Variants in GALNTL6 observed in about 807,000 individuals in gnomAD.
The protein encoded by GALNTL6 is polypeptide N-acetylgalactosaminyltransferase like 6.
In GALNTL6, 46 loss-of-function variants were observed where a neutral mutation model predicts 73.7. The ratio of observed to expected loss-of-function variants is 0.62; its 90% CI spans 0.49 to 0.80. The LOEUF (loss-of-function observed/expected upper bound fraction) is 0.80, where lower values mean the gene tolerates loss of function less well. Among genes scored for constraint, GALNTL6 ranks in the 30% least tolerant of loss-of-function variants. The pLI is 0.00. For missense variants in GALNTL6, 604 were observed against 755.0 expected (o/e 0.80, Z 2.34); for synonymous variants, 259 against 263.7 (o/e 0.98, Z 0.17).
At chr4:172,006,491 G>A (rs1740846980) in intron 2 of GALNTL6, among the ~76,000 whole-genome samples, 1 of 152,008 alleles carries the variant, frequency 6.6e-6, no homozygotes, top group South Asian at 2.1e-4. Context: ...AGCCAAGGTG[G>A]TGGTGCACAC....
chr4:172,697,693 G>A (rs1450762680), intron 5 of GALNTL6, among the ~76,000 whole-genome samples: 2 of 152,100 alleles, frequency 1.3e-5, no homozygotes, highest in Admixed American at 6.6e-5. Context: ...AATGGAATAC[G>A]ATGCTTGCAA....
chr4:172,668,235 T>G (rs1731780305), intron 5 of GALNTL6: 1 of 152,200 alleles, frequency 6.6e-6, no homozygotes, highest in Non-Finnish European at 1.5e-5. Context: ...ATTGAATGAA[T>G]TCTATTTTTA....
At chr4:171,883,300 C>G (rs866168300) in intron 2 of GALNTL6, among the ~76,000 whole-genome samples, 1 of 151,910 alleles carries the variant, frequency 6.6e-6, no homozygotes, top group Non-Finnish European at 1.5e-5. Context: ...TGCAGTGAGC[C>G]GAGATCCTGC....
At chr4:172,719,830 C>T (rs1290025382) in intron 5 of GALNTL6, among the ~76,000 whole-genome samples, 3 of 152,060 alleles carry the variant, frequency 2.0e-5, no homozygotes, top group South Asian at 2.1e-4. Context: ...AGAGCAGCCC[C>T]GAGGGCTGCT....
At position 172,583,893 on chromosome 4, in the gene GALNTL6, CAAAAAAA is replaced by C. The variant is rs57722016; in HGVS notation, c.554-225447_554-225441del. Among the ~76,000 whole-genome samples the C allele has an allele frequency of 3.5e-3, 110 of 31,610 alleles. 1 individual carries two copies. The East Asian group carries it at 0.065, about 19-fold the overall frequency. The allele number at this position is 31,610 out of a possible 152,430, so 20.7% of individuals were successfully genotyped here. On this transcript the variant is annotated intron_variant, in intron 5 of 12. Transcript: ENST00000506823. The stretch of plus-strand genomic sequence containing the variant: ...GGGCCGACAGAGCGAGACTCTGTCT[CAAAAAAA>C]AAAAAAAAAAAAAAAAAAAATCAGA...
At chr4:171,874,975 A>C (rs1357662687) in intron 2 of GALNTL6, among the ~76,000 whole-genome samples, 2 of 152,212 alleles carry the variant, frequency 1.3e-5, no homozygotes, top group African/African-American at 4.8e-5. Flanking sequence ...GTTTAGCTGT[A>C]TTATAGGCAA....
At chr4:172,487,295 C>CTTCTTTCCTTCT (rs1554029530) in intron 5 of GALNTL6, among the ~76,000 whole-genome samples, 1,446 of 81,538 alleles carry the variant, frequency 0.018, 58 homozygotes, top group South Asian at 0.034. Context: ...TCCTTCTTTC[C>CTTCTTTCCTTCT]TTCTGTCTTT....
intron 2 of GALNTL6, among the ~76,000 whole-genome samples, chr4:171,883,686 C>T (rs1322399806): frequency 6.6e-6 from 1 of 150,438 alleles, no homozygotes; most frequent in East Asian, 2.0e-4. Context: ...CTCGCTCTGT[C>T]GCCCAGGCTG....
At chr4:172,519,621 T>C (rs777551824) in intron 5 of GALNTL6, among the ~76,000 whole-genome samples, 1 of 151,822 alleles carries the variant, frequency 6.6e-6, no homozygotes, top group East Asian at 1.9e-4. Context: ...TCTGTCTTGC[T>C]CTACATTTTA....
At chr4:172,296,125 T>C (rs1339400659) in intron 3 of GALNTL6, among the ~76,000 whole-genome samples, 1 of 152,132 alleles carries the variant, frequency 6.6e-6, no homozygotes, top group South Asian at 2.1e-4. Flanking sequence ...GGATACCCTT[T>C]GTCAGATTCA....
chr4:171,924,327 C>CAGGA (rs1390489613), intron 2 of GALNTL6, among the ~76,000 whole-genome samples: 3 of 152,098 alleles, frequency 2.0e-5, no homozygotes, highest in Non-Finnish European at 4.4e-5. Context: ...TGCAGTTTCA[C>CAGGA]AGGAGCATGA....
intron 2 of GALNTL6, among the ~76,000 whole-genome samples, chr4:172,024,742 G>A (rs113686646): frequency 3.1e-4 from 47 of 152,016 alleles, no homozygotes; most frequent in African/African-American, 1.1e-3. Context: ...AATAAATAGA[G>A]TGGAACAACC....
At chr4:171,941,491 A>C (rs1002891873) in intron 2 of GALNTL6, among the ~76,000 whole-genome samples, 1 of 152,208 alleles carries the variant, frequency 6.6e-6, no homozygotes, top group African/African-American at 2.4e-5. Context: ...CTTCTGTAAC[A>C]TTGACAGTAT....
intron 2 of GALNTL6, among the ~76,000 whole-genome samples, chr4:171,951,850 G>A (rs1173296599): frequency 6.6e-6 from 1 of 151,940 alleles, no homozygotes; most frequent in Non-Finnish European, 1.5e-5. Context: ...GAGGGATAAA[G>A]CTATAGCAAT....
In GALNTL6 at chr4:172,930,186, G is replaced by A. The variant is rs141153910; in HGVS notation, c.1042-975G>A. Among the ~76,000 whole-genome samples, 1,314 of 152,114 alleles carry A rather than the reference G, an allele frequency of 8.6e-3. 33 individuals are homozygous for A. The highest frequency in any genetic ancestry group is 0.085 in the East Asian group (440 of 5,170). ...TCAGCCACTTGGGAGGCTGAGGCAG[G>A]AGAATTGCCTGAACACAGGAGGCAG... On this transcript the variant is annotated intron_variant, in intron 8 of 12. Transcript: ENST00000506823.
At chr4:172,777,241 T>A (rs936915630) in intron 5 of GALNTL6, among the ~76,000 whole-genome samples, 3 of 152,208 alleles carry the variant, frequency 2.0e-5, no homozygotes, top group African/African-American at 7.2e-5. Context: ...GCATTGGAAA[T>A]TATTTACAAA....
At chr4:171,895,860 AATG>A (rs1736898338) in intron 2 of GALNTL6, among the ~76,000 whole-genome samples, 1 of 152,148 alleles carries the variant, frequency 6.6e-6, no homozygotes, top group African/African-American at 2.4e-5. Flanking sequence ...AAGAAATAAT[AATG>A]ATTAAAAAGA....
chr4:172,285,060 C>A (rs2111087301), intron 3 of GALNTL6, among the ~76,000 whole-genome samples: 1 of 152,230 alleles, frequency 6.6e-6, no homozygotes, highest in Middle Eastern at 3.4e-3. Flanking sequence ...AATATTAATT[C>A]TTCTGATCTA....
intron 3 of GALNTL6, among the ~76,000 whole-genome samples, chr4:172,299,040 T>A (rs1364645315): frequency 2.6e-5 from 4 of 152,248 alleles, no homozygotes; most frequent in Non-Finnish European, 5.9e-5. Flanking sequence ...TGCCTCAATT[T>A]CAAAGCCTGT....
Sources: allele counts gnomAD v4.1 joint callset (sites outside exome capture counted in the v4.1 genomes callset), GRCh38; gene constraint gnomAD v4.1.1; transcripts MANE v1.5; gene names NCBI Gene and HGNC (gene_info 2026-07-23, HGNC 2026-07-21).